ZNF84: variants seen among roughly 807,000 people sequenced by gnomAD.
ZNF84 encodes the protein zinc finger protein HPF2.
In ZNF84, 12 loss-of-function variants were observed where a neutral mutation model predicts 14.8. The observed-to-expected ratio is 0.81, with a 90% CI of 0.52 to 1.31. The LOEUF (loss-of-function observed/expected upper bound fraction) is 1.31. Among genes scored for constraint, ZNF84 ranks in the 50% most tolerant of loss-of-function variants. The pLI is 0.00. For synonymous variants in ZNF84, 347 were observed against 291.1 expected, an observed-to-expected ratio of 1.19 and a Z score of -1.96; for missense variants, 859 against 878.6, an observed-to-expected ratio of 0.98 and a Z score of 0.28.
chr12:133,044,988 C>G (rs1175722777), intron 2 of ZNF84, among the ~76,000 whole-genome samples: 1 of 151,950 alleles, frequency 6.6e-6, no homozygotes, highest in Non-Finnish European at 1.5e-5. Context: ...ATCTTTTTAA[C>G]AGCTTTATTG....
At position 133,048,090 on chromosome 12, in the gene ZNF84, A is replaced by G. The variant is rs1465143952; in HGVS notation, c.142+9A>G. 6.2e-7 allele frequency: 1 copy of G among 1,612,434 alleles called. No individual in the cohort carries two copies. The highest frequency in any genetic ancestry group is 1.3e-5 in the African/African-American group (1 of 74,884). ...CAGCCTAGTGTCACTGGGTAATAAAAGCTTTCTTGAGGACCTTGGACTATG... is the reference window on the plus strand; with the variant it reads ...CAGCCTAGTGTCACTGGGTAATAAAGGCTTTCTTGAGGACCTTGGACTATG... On this transcript the variant is annotated intron_variant, in intron 3 of 4. Coordinates refer to ENST00000539354, the MANE Select transcript of ZNF84 (RefSeq NM_001289971.2).
Position 133,057,248 on chromosome 12 carries a change from A to G in ZNF84, c.533A>G (p.Lys178Arg). 6.2e-7 allele frequency: 1 copy of G among 1,613,966 alleles called. No individual in the cohort carries two copies. The highest frequency in any genetic ancestry group is 8.5e-7 in the Non-Finnish European group (1 of 1,179,996). Reference sequence around the variant, plus strand: ...CCTGAGGATACTGATACCTGGTTAAAATACTATGACTGTGATAAATATAAA... The same window carrying G: ...CCTGAGGATACTGATACCTGGTTAAGATACTATGACTGTGATAAATATAAA... ...SKPEDTDTWL[K>R]YYDCDKYKES... The change falls in exon 5 of 5, where the codon AAA becomes AGA. Residue 178 changes from lysine to arginine, a missense_variant. Physicochemically the swap from Lys to Arg is conservative, Grantham distance 26 (BLOSUM62 2). Transcript: ENST00000539354.
intron 4 of ZNF84, among the ~76,000 whole-genome samples, chr12:133,051,795 C>T (rs903281661): frequency 5.3e-5 from 8 of 152,202 alleles, no homozygotes; most frequent in African/African-American, 9.6e-5. Flanking sequence ...ATAGTAGGGA[C>T]GTTCCTGAAA....
intron 2 of ZNF84, among the ~76,000 whole-genome samples, chr12:133,045,082 A>G (rs1953956336): frequency 1.3e-5 from 2 of 152,262 alleles, no homozygotes; most frequent in South Asian, 4.1e-4. Context: ...CCATCATCAC[A>G]ATCTAGTTTT....
intron 2 of ZNF84, chr12:133,047,687 A>C: frequency 3.5e-6 from 1 of 281,756 alleles, no homozygotes; most frequent in Non-Finnish European, 7.0e-6. Context: ...TTACTATGGC[A>C]CCTGTCTTCT....
rs904015491 is a variant in ZNF84 at position 133,043,380 on chromosome 12, G to C, written c.15+1898G>C. On this transcript the variant is annotated intron_variant, in intron 2 of 4. Transcript: ENST00000539354. ...GGGTTTCACTGTGTTGCCCAGGCTG[G>C]TCGCGAACTCCTGAGCTCAGGCAAT... Among the ~76,000 whole-genome samples the C allele has an allele frequency of 3.3e-3, 500 of 152,284 alleles. 3 individuals carry two copies. Among genetic ancestry groups the C allele is most frequent in the African/African-American group, 0.011 (475 of 41,550 alleles).
chr12:133,037,828 C>T (rs1953812363), intron 1 of ZNF84: 1 of 152,006 alleles, frequency 6.6e-6, no homozygotes, highest in African/African-American at 2.4e-5. Flanking sequence ...CGCGTTTAGC[C>T]TCGGGCGCGT....
chr12:133,061,420 G>T lies in ZNF84; in HGVS notation c.*2488G>T, dbSNP rs1030336041. 1 of 152,164 alleles carries T rather than the reference G, an allele frequency of 6.6e-6. No individual in the cohort carries two copies. The highest frequency in any genetic ancestry group is 2.4e-5 in the African/African-American group (1 of 41,444). The allele number at this position is 152,164 out of a possible 1,614,324, so 9.4% of individuals were successfully genotyped here. A position where few individuals can be genotyped will look rare whatever the true frequency, so the allele number is the denominator to read the frequency against. On this transcript the variant is annotated 3_prime_UTR_variant, in exon 5 of 5. Transcript: ENST00000539354. ...GAACCTGAGAGGCAGAGGTTGCAGT[G>T]AGCCAAGATTGTGCAGCCTGGGCGA...
rs1420652357 is a variant in ZNF84 at position 133,061,826 on chromosome 12, C to G, written c.*2894C>G. 2 of 152,132 alleles carry G rather than the reference C, an allele frequency of 1.3e-5. No homozygotes were observed. Among genetic ancestry groups the G allele is most frequent in the African/African-American group, 4.8e-5 (2 of 41,428 alleles). 9.4% of individuals were successfully genotyped at this position (152,132 alleles called of 1,614,324 possible). A position where few individuals can be genotyped will look rare whatever the true frequency, so the allele number is the denominator to read the frequency against. ...GCAGAGGTCTAGTTAAAAACTGATG[C>G]AGAGGTTCAAATACGTTGTGCAGTA... On this transcript the variant is annotated 3_prime_UTR_variant, in exon 5 of 5. Transcript: ENST00000539354.
intron 2 of ZNF84, among the ~76,000 whole-genome samples, chr12:133,044,545 T>G (rs1048460914): frequency 6.6e-6 from 1 of 152,144 alleles, no homozygotes; most frequent in Non-Finnish European, 1.5e-5. Flanking sequence ...AATTGTGGGA[T>G]CAGTTTCTTT....
rs1326506158 is a variant in ZNF84, at chr12:133,057,734, T to C, written c.1019T>C (p.Ile340Thr). Residue 340 changes from isoleucine to threonine, a missense_variant, in exon 5 of 5, where the codon ATT becomes ACT. Physicochemically the swap from Ile to Thr is moderately conservative, Grantham distance 89 (BLOSUM62 -1). Coordinates refer to ENST00000539354, the MANE Select transcript of ZNF84 (RefSeq NM_001289971.2). ...EKSNLINHQR[I>T]HTGEKPFECR... Reference sequence around the variant, plus strand: ...TCCAATCTCATTAACCATCAGAGAATTCATACCGGTGAGAAGCCTTTTGAA... The same window carrying C: ...TCCAATCTCATTAACCATCAGAGAACTCATACCGGTGAGAAGCCTTTTGAA... 6.8e-6 allele frequency: 11 copies of C among 1,613,318 alleles called. No individual in the cohort carries two copies. Among genetic ancestry groups the C allele is most frequent in the Middle Eastern group, 1.7e-4 (1 of 6,060 alleles).
intron 1 of ZNF84, among the ~76,000 whole-genome samples, chr12:133,039,823 G>T (rs1164122003): frequency 1.3e-5 from 2 of 151,514 alleles, no homozygotes; most frequent in Admixed American, 1.3e-4. Context: ...TATTCAATTT[G>T]TCAGTTAAAA....
chr12:133,049,002 G>A (rs892514559), intron 4 of ZNF84, among the ~76,000 whole-genome samples, 154 bp downstream of exon 4: 1 of 152,160 alleles, frequency 6.6e-6, no homozygotes, highest in Non-Finnish European at 1.5e-5. Context: ...TGGCTGGTCA[G>A]TGATGGGTTG....
At chr12:133,050,929 C>G (rs1427379283) in intron 4 of ZNF84, among the ~76,000 whole-genome samples, 4 of 152,006 alleles carry the variant, frequency 2.6e-5, no homozygotes, top group Non-Finnish European at 5.9e-5. Context: ...AAAGCCTTGT[C>G]TTTGTTTTTA....
chr12:133,056,944 T>G lies in ZNF84; in HGVS notation c.239-10T>G. ...CACAACCAAACAGATTGTTTTTGTT[T>G]CCTTTATAGAAGTCTGGAAAGTAGA... On this transcript the variant is annotated splice_polypyrimidine_tract_variant and intron_variant, in intron 4 of 4. Coordinates refer to ENST00000539354, the MANE Select transcript of ZNF84 (RefSeq NM_001289971.2). The G allele has an allele frequency of 6.5e-7, 1 of 1,545,362 alleles. No homozygotes were observed. The highest frequency in any genetic ancestry group is 8.7e-7 in the Non-Finnish European group (1 of 1,153,286).
intron 2 of ZNF84, among the ~76,000 whole-genome samples, chr12:133,045,452 C>T (rs1177450383): frequency 1.3e-5 from 2 of 151,630 alleles, no homozygotes; most frequent in Non-Finnish European, 3.0e-5. Flanking sequence ...GCCTGGGTGA[C>T]AGAACAAGAC....
Position 133,057,350 on chromosome 12 carries a change from G to T in ZNF84, c.635G>T (p.Cys212Phe). 6.2e-7 allele frequency: 1 copy of T among 1,613,892 alleles called. No individual in the cohort carries two copies. The highest frequency in any genetic ancestry group is 8.5e-7 in the Non-Finnish European group (1 of 1,179,976). Residue 212 changes from cysteine to phenylalanine, a missense_variant, in exon 5 of 5, where the codon TGT becomes TTT. By Grantham distance (205) the Cys-to-Phe change is radical (BLOSUM62 -2). Transcript: ENST00000539354. ...LGEKLYECSE[C>F]RKRFSKKPSL... The stretch of plus-strand genomic sequence containing the variant: ...GAGAAACTCTATGAATGCAGTGAAT[G>T]TAGGAAGCGCTTCAGTAAGAAACCA...
At chr12:133,047,860 C>T in intron 2 of ZNF84, 95 bp from the exon 3 acceptor site, 3 of 1,418,160 alleles carry the variant, frequency 2.1e-6, no homozygotes, top group Non-Finnish European at 2.9e-6. Context: ...TTTTGTATAA[C>T]TTGTTATGAG....
In ZNF84 at chr12:133,058,853, G is replaced by C; in HGVS notation, c.2138G>C (p.Cys713Ser). ...RIHTGEKPYR[C>S]IECGKAFSQK... ...CATACAGGAGAGAAGCCTTATCGAT[G>C]CATTGAATGTGGGAAAGCTTTCTCA... is the stretch of plus-strand genomic sequence containing the variant. The change falls in exon 5 of 5, where the codon TGC (cysteine) becomes TCC (serine). Residue 713 changes from cysteine to serine, a missense_variant. Cys to Ser is a moderately radical substitution (Grantham distance 112). Coordinates refer to ENST00000539354, the MANE Select transcript of ZNF84 (RefSeq NM_001289971.2). The C allele has an allele frequency of 6.2e-7, 1 of 1,613,850 alleles. No homozygotes were observed. Among genetic ancestry groups the C allele is most frequent in the Non-Finnish European group, 8.5e-7 (1 of 1,179,884 alleles).
Sources: allele counts gnomAD v4.1 joint callset (sites outside exome capture counted in the v4.1 genomes callset), GRCh38; gene constraint gnomAD v4.1.1; transcripts MANE v1.5; gene names NCBI Gene and HGNC (gene_info 2026-07-23, HGNC 2026-07-21).